Variants in PANK4 observed in about 807,000 individuals in gnomAD.
The protein encoded by PANK4 is pantothenate kinase 4 (inactive).
PANK4 carries 40 observed loss-of-function variants against 87.9 expected under a neutral mutation model. The observed-to-expected ratio is 0.46, with a 90% CI of 0.35 to 0.59. The LOEUF is 0.59. Among genes scored for constraint, PANK4 ranks in the 20% least tolerant of loss-of-function variants. PANK4 has a pLI of 0.00. For synonymous variants in PANK4, 524 were observed against 467.4 expected (o/e 1.12, Z -1.56); for missense variants, 926 against 1,072.3 (o/e 0.86, Z 1.90).
At position 2,508,997 on chromosome 1, in the gene PANK4, C is replaced by T; in HGVS notation, c.2172G>A (p.Glu724=). 1 of 1,607,682 alleles carries T rather than the reference C, an allele frequency of 6.2e-7. No individual in the cohort carries two copies. The highest frequency in any genetic ancestry group is 8.5e-7 in the Non-Finnish European group (1 of 1,179,588). Residue 724 remains glutamate, a synonymous_variant, in exon 19 of 19, where the codon GAG becomes GAA. Coordinates refer to ENST00000378466, the MANE Select transcript of PANK4 (RefSeq NM_018216.4). The surrounding 1 kb of genome is among the most constrained non-coding windows in gnomAD (Gnocchi z 5.1). ...RERGADLVVI[E]GMGRAVHTNY... ...TTGTGTGGACAGCACGGCCCATGCC[C>T]TCGATGACCACCAGATCCGCGCCAC...
rs1198034104 is a variant in PANK4 at position 2,519,742 on chromosome 1, G to A, written c.853+59C>T. 8.2e-6 allele frequency: 12 copies of A among 1,472,132 alleles called. No individual in the cohort carries two copies. Among genetic ancestry groups the A allele is most frequent in the Admixed American group, 4.4e-5 (2 of 45,096 alleles). 91.2% of individuals were successfully genotyped at this position (1,472,132 alleles called of 1,614,324 possible). A position where few individuals can be genotyped will look rare whatever the true frequency, so the allele number is the denominator to read the frequency against. On this transcript the variant is annotated intron_variant, in intron 6 of 18. Coordinates refer to ENST00000378466, the MANE Select transcript of PANK4 (RefSeq NM_018216.4). This position sits in a 1 kb window ranked among gnomAD's most constrained non-coding sequence, Gnocchi z 8.3. ...GCAATGGTGGGGGAAGCTCCTGTCCGTGAGACCCCAAGTGTCCCCACCATC... is the reference window on the plus strand; with the variant it reads ...GCAATGGTGGGGGAAGCTCCTGTCCATGAGACCCCAAGTGTCCCCACCATC...
rs775235993 is a variant in PANK4 at position 2,521,116 on chromosome 1, T to C, written c.407A>G (p.Glu136Gly). ...GAYKFKDLIE[E>G]KLRLKVDKED... ...CCCCACTCACTTCAGCCGCAGCTTC[T>C]CTTCGATGAGGTCTTTGAACTTGTA... Residue 136 changes from glutamate to glycine, a missense_variant, in exon 3 of 19, where the codon GAG (glutamate) becomes GGG (glycine). By Grantham distance (98) the Glu-to-Gly change is moderately conservative. Coordinates refer to ENST00000378466, the MANE Select transcript of PANK4 (RefSeq NM_018216.4). 1.2e-6 allele frequency: 2 copies of C among 1,613,244 alleles called. No homozygotes were observed. The highest frequency in any genetic ancestry group is 2.2e-5 in the East Asian group (1 of 44,870).
rs922538723 is a variant in PANK4 at position 2,521,725 on chromosome 1, G to A, written c.200C>T (p.Ser67Phe). 2 of 1,613,630 alleles carry A rather than the reference G, an allele frequency of 1.2e-6. No homozygotes were observed. The highest frequency in any genetic ancestry group is 1.7e-6 in the Non-Finnish European group (2 of 1,179,704). The change falls in exon 2 of 19, where the codon TCC becomes TTC. Residue 67 changes from serine to phenylalanine, a missense_variant. By Grantham distance (155) the Ser-to-Phe change is radical. Transcript: ENST00000378466. The stretch of plus-strand genomic sequence containing the variant: ...GCCACAGTGCAGGCTCACCTTTCCG[G>A]AGTGGTCGAAAGACCGCACCTTGGC... ...KVAKVRSFDHSGKDTEREHEP... is the reference protein window; with the variant it reads ...KVAKVRSFDHFGKDTEREHEP...
chr1:2,516,019 A>C, intron 9 of PANK4: 1 of 463,546 alleles, frequency 2.2e-6, no homozygotes. Flanking sequence ...TCACCCTCCC[A>C]TCACCCCTCC....
rs1175005552 is a variant in PANK4, at chr1:2,519,605, C to T, written c.853+196G>A. Among the ~76,000 whole-genome samples, 3 of 152,222 alleles carry T rather than the reference C, an allele frequency of 2.0e-5. No homozygotes were observed. The highest frequency in any genetic ancestry group is 2.9e-5 in the Non-Finnish European group (2 of 68,032). ...TTTTCTTCCAAAACCAAGACCGTGG[C>T]GTTTATCTGCCGACGTTCTGAGCAG... On this transcript the variant is annotated intron_variant, in intron 6 of 18. Transcript: ENST00000378466. This position sits in a 1 kb window ranked among gnomAD's most constrained non-coding sequence, Gnocchi z 8.3.
rs752831435 is a variant in PANK4 at position 2,508,871 on chromosome 1, G to A, written c.2298C>T (p.Phe766=). The A allele has an allele frequency of 5.0e-6, 8 of 1,602,758 alleles. No individual in the cohort carries two copies. Among genetic ancestry groups the A allele is most frequent in the Non-Finnish European group, 5.1e-6 (6 of 1,173,728 alleles). ...CTCACTCGGCTGGGACCTCGTACTT[G>A]AAGATGACGCTGAAGAGCCGGCCGC... The part of the protein sequence containing the change: ...RLGGRLFSVI[F]KYEVPAE The change falls in exon 19 of 19, where the codon TTC becomes TTT. Residue 766 remains phenylalanine (F), a synonymous_variant. Coordinates refer to ENST00000378466, the MANE Select transcript of PANK4 (RefSeq NM_018216.4). The surrounding 1 kb of genome is among the most constrained non-coding windows in gnomAD (Gnocchi z 5.1).
chr1:2,515,503 T>G lies in PANK4; in HGVS notation c.1374+59A>C. On this transcript the variant is annotated intron_variant, in intron 10 of 18. Coordinates refer to ENST00000378466, the MANE Select transcript of PANK4 (RefSeq NM_018216.4). This position sits in a 1 kb window ranked among gnomAD's most constrained non-coding sequence, Gnocchi z 5.0. ...CCACCTTGGCTTTGCCCCCGGAGCC[T>G]TGGAAGGTTAACCCGGCTGCGGCCT... 1 of 1,584,366 alleles carries G rather than the reference T, an allele frequency of 6.3e-7. No individual in the cohort carries two copies.
At chr1:2,516,367 C>G (rs912832804) in intron 9 of PANK4, among the ~76,000 whole-genome samples, 1 of 152,222 alleles carries the variant, frequency 6.6e-6, no homozygotes, top group Non-Finnish European at 1.5e-5. Context: ...CACCTGCACC[C>G]AGCACAGGCG....
At chr1:2,526,441 C>T (rs1248145118) in intron 1 of PANK4, 23 bp downstream of exon 1, 3 of 1,338,926 alleles carry the variant, frequency 2.2e-6, no homozygotes, top group African/African-American at 1.5e-5. Context: ...GCAGCCCGCG[C>T]CCGGCGCCCG....
chr1:2,514,237 C>T, intron 11 of PANK4, 117 bp downstream of exon 11: 1 of 1,099,928 alleles, frequency 9.1e-7, no homozygotes, highest in South Asian at 1.3e-5. Context: ...GCCGCCAGGG[C>T]CCACACCCAC....
In PANK4 at chr1:2,520,832, G is replaced by A; in HGVS notation, c.497C>T (p.Ala166Val). 6.2e-7 allele frequency: 1 copy of A among 1,600,462 alleles called. No individual in the cohort carries two copies. Among genetic ancestry groups the A allele is most frequent in the Non-Finnish European group, 8.5e-7 (1 of 1,173,824 alleles). The change falls in exon 4 of 19, where the codon GCC becomes GTC. Residue 166 changes from alanine to valine, a missense_variant. Physicochemically the swap from Ala to Val is moderately conservative, Grantham distance 64 (BLOSUM62 0). Coordinates refer to ENST00000378466, the MANE Select transcript of PANK4 (RefSeq NM_018216.4). This position sits in a 1 kb window ranked among gnomAD's most constrained non-coding sequence, Gnocchi z 6.2. Reference protein sequence around the residue: ...NFVLKNIPHEAFVYQKDSDPE... With the variant: ...NFVLKNIPHEVFVYQKDSDPE... ...GTCGGAATCCTTCTGGTACACGAAG[G>A]CCTCATGGGGGATGTTCTTGAGCAC... is the stretch of plus-strand genomic sequence containing the variant.
At chr1:2,512,235 G>A (rs1392570530) in intron 13 of PANK4, among the ~76,000 whole-genome samples, 1 of 152,176 alleles carries the variant, frequency 6.6e-6, no homozygotes, top group African/African-American at 2.4e-5. Context: ...GTCCCAGAGG[G>A]GCAGCCATGG....
Position 2,514,419 on chromosome 1 carries a change from G to T in PANK4, c.1422C>A (p.Ala474=), listed in dbSNP as rs778229450. The T allele has an allele frequency of 3.5e-5, 56 of 1,612,024 alleles. No individual in the cohort carries two copies. The highest frequency in any genetic ancestry group is 1.7e-4 in the Middle Eastern group (1 of 6,026). The change falls in exon 11 of 19, where the codon GCC becomes GCA. Residue 474 remains alanine (A), a synonymous_variant. Transcript: ENST00000378466. The part of the protein sequence containing the change: ...VASQPDSVDA[A]ERAEKFRQKY... ...TCTGCCGGAACTTCTCCGCCCTCTC[G>T]GCTGCATCCACAGAGTCTGGCTGGC...
In PANK4 at chr1:2,526,560, C is replaced by G. The variant is rs765031213; in HGVS notation, c.28G>C (p.Gly10Arg). Residue 10 changes from glycine to arginine, a missense_variant, in exon 1 of 19, where the codon GGG becomes CGG. Coordinates refer to ENST00000378466, the MANE Select transcript of PANK4 (RefSeq NM_018216.4). ...TTGTCCAGACTGTCCCCGCTGCTCC[C>G]GCTGCCGCTCGCTCCACACTCCGCC... MAECGASGSGSSGDSLDKSI... is the reference protein window; with the variant it reads MAECGASGSRSSGDSLDKSI... The G allele has an allele frequency of 5.0e-6, 8 of 1,602,382 alleles. No individual in the cohort carries two copies. The highest frequency in any genetic ancestry group is 6.8e-6 in the Non-Finnish European group (8 of 1,175,152).
Position 2,510,896 on chromosome 1 carries a change from G to C in PANK4, c.1834-114C>G. 1.5e-6 allele frequency: 1 copy of C among 683,958 alleles called. No homozygotes were observed. Among genetic ancestry groups the C allele is most frequent in the Non-Finnish European group, 2.6e-6 (1 of 383,174 alleles). 42.4% of individuals were successfully genotyped at this position (683,958 alleles called of 1,614,324 possible). On this transcript the variant is annotated intron_variant, in intron 15 of 18. Transcript: ENST00000378466. This position sits in a 1 kb window ranked among gnomAD's most constrained non-coding sequence, Gnocchi z 4.9. ...AGGGGCCGAGACTGGGGGCTTCAGG[G>C]CCCCAGAGATGCCAGGGATGGGCTG...
Position 2,510,956 on chromosome 1 carries a change from C to A in PANK4, c.1834-174G>T, listed in dbSNP as rs1209075469. Among the ~76,000 whole-genome samples the A allele has an allele frequency of 6.6e-6, 1 of 152,092 alleles. No homozygotes were observed. The highest frequency in any genetic ancestry group is 1.9e-4 in the East Asian group (1 of 5,158). On this transcript the variant is annotated intron_variant, in intron 15 of 18. Transcript: ENST00000378466. The surrounding 1 kb of genome is among the most constrained non-coding windows in gnomAD (Gnocchi z 4.9). Reference sequence around the variant, plus strand: ...GGCCGAGACCAGGGGCTTCAGGGCCCCAGAGGTGCCGGGACTGGGCTGGGC... The same window carrying A: ...GGCCGAGACCAGGGGCTTCAGGGCCACAGAGGTGCCGGGACTGGGCTGGGC...
In PANK4 at chr1:2,510,502, C is replaced by G. The variant is rs1320521406; in HGVS notation, c.1938+176G>C. On this transcript the variant is annotated intron_variant, in intron 16 of 18. Transcript: ENST00000378466. This position sits in a 1 kb window ranked among gnomAD's most constrained non-coding sequence, Gnocchi z 4.9. Reference sequence around the variant, plus strand: ...ACCCTCAGCCTGAGCCCAGGGGGCTCGGAGCCTCCACCCCAGCAGATGACG... The same window carrying G: ...ACCCTCAGCCTGAGCCCAGGGGGCTGGGAGCCTCCACCCCAGCAGATGACG... The G allele has an allele frequency of 1.6e-6, 1 of 622,128 alleles. No individual in the cohort carries two copies. Among genetic ancestry groups the G allele is most frequent in the African/African-American group, 1.8e-5 (1 of 54,292 alleles). The allele number at this position is 622,128 out of a possible 1,614,324, so 38.5% of individuals were successfully genotyped here. A position where few individuals can be genotyped will look rare whatever the true frequency, so the allele number is the denominator to read the frequency against.
At chr1:2,523,452 G>A (rs941311598) in intron 1 of PANK4, among the ~76,000 whole-genome samples, 1 of 152,206 alleles carries the variant, frequency 6.6e-6, no homozygotes, top group Non-Finnish European at 1.5e-5. Context: ...GATGATGCAA[G>A]AGGATGAAGA....
chr1:2,512,394 G>A (rs1349102881), intron 13 of PANK4: 1 of 155,368 alleles, frequency 6.4e-6, no homozygotes, highest in Non-Finnish European at 1.4e-5. Flanking sequence ...GAGACTGGAA[G>A]CAGCTTCTTT....
Sources: allele counts gnomAD v4.1 joint callset (sites outside exome capture counted in the v4.1 genomes callset), GRCh38; gene constraint gnomAD v4.1.1; non-coding constraint Gnocchi (gnomAD v3.1); transcripts MANE v1.5; gene names NCBI Gene and HGNC (gene_info 2026-07-23, HGNC 2026-07-21).